The following GNAQ variants were observed in gnomAD, a reference collection of about 807,000 sequenced individuals.
GNAQ encodes the protein guanine nucleotide-binding protein G(q) subunit alpha.
A neutral mutation model predicts 43.9 loss-of-function variants in GNAQ; 8 were observed. The observed-to-expected ratio is 0.18, with a 90% CI of 0.11 to 0.33. GNAQ has a LOEUF of 0.33. GNAQ is among the 10% of genes least tolerant of loss of function. The pLI is 1.00. For synonymous variants in GNAQ, 155 were observed against 170.7 expected, an observed-to-expected ratio of 0.91 and a Z score of 0.71; for missense variants, 158 against 450.8, an observed-to-expected ratio of 0.35 and a Z score of 5.88.
At chr9:77,890,271 A>AG (rs1454878460) in intron 2 of GNAQ, among the ~76,000 whole-genome samples, 1 of 152,176 alleles carries the variant, frequency 6.6e-6, no homozygotes, top group Non-Finnish European at 1.5e-5. Context: ...AAAACTTGAG[A>AG]GTTTGACTGA....
intron 1 of GNAQ, among the ~76,000 whole-genome samples, chr9:77,970,228 AAAAAAAAC>A (rs1246496618): frequency 2.0e-5 from 3 of 151,664 alleles, no homozygotes; most frequent in Non-Finnish European, 2.9e-5. Flanking sequence ...TCCACAAAAA[AAAAAAAAC>A]AAACAAACAA....
chr9:77,748,158 G>C (rs1825758784), intron 5 of GNAQ, among the ~76,000 whole-genome samples: 1 of 152,102 alleles, frequency 6.6e-6, no homozygotes, highest in Admixed American at 6.5e-5. Flanking sequence ...AAAATCCAGT[G>C]AAAGACATAA....
chr9:78,024,030 T>C (rs1823945478), intron 1 of GNAQ, among the ~76,000 whole-genome samples: 1 of 151,772 alleles, frequency 6.6e-6, no homozygotes, highest in Non-Finnish European at 1.5e-5. Context: ...AACAACTATT[T>C]TATTTCTAAA....
chr9:77,931,054 A>AC (rs1587416586), intron 1 of GNAQ, among the ~76,000 whole-genome samples: 1 of 150,384 alleles, frequency 6.6e-6, no homozygotes. Context: ...CCCGAAACCA[A>AC]CCCCCCGACC....
intron 2 of GNAQ, among the ~76,000 whole-genome samples, chr9:77,854,974 G>C (rs1827729196): frequency 1.3e-5 from 2 of 152,304 alleles, no homozygotes; most frequent in African/African-American, 2.4e-5. Context: ...AAAAGTAGGA[G>C]AAGAGAATAT....
At position 77,810,221 on chromosome 9, in the gene GNAQ, T is replaced by TCTAA. The variant is rs1169759223; in HGVS notation, c.476+5394_476+5395insTTAG. Among the ~76,000 whole-genome samples, 234 of 136,070 alleles carry TCTAA rather than the reference T, an allele frequency of 1.7e-3. 1 individual carries two copies. The highest frequency in any genetic ancestry group is 6.6e-3 in the African/African-American group (220 of 33,208). The allele number at this position is 136,070 out of a possible 152,430, so 89.3% of individuals were successfully genotyped here. On this transcript the variant is annotated intron_variant, in intron 3 of 6. Coordinates refer to ENST00000286548, the MANE Select transcript of GNAQ (RefSeq NM_002072.5). ...AAACTGTCAATCATCTATCTATCTA[T>TCTAA]CTATCTATCTATCTATCTATCTATC...
At chr9:77,889,497 C>T (rs1444763933) in intron 2 of GNAQ, among the ~76,000 whole-genome samples, 1 of 137,828 alleles carries the variant, frequency 7.3e-6, no homozygotes, top group Non-Finnish European at 1.5e-5. Context: ...CATTTCTGAT[C>T]TGTTTCTAGC....
At chr9:77,734,823 T>C (rs1020173225) in intron 5 of GNAQ, among the ~76,000 whole-genome samples, 1 of 152,202 alleles carries the variant, frequency 6.6e-6, no homozygotes, top group Non-Finnish European at 1.5e-5. Context: ...GAAGTCCAGA[T>C]ATACAGACAC....
At chr9:77,929,332 G>A (rs1258344160) in intron 1 of GNAQ, among the ~76,000 whole-genome samples, 2 of 152,148 alleles carry the variant, frequency 1.3e-5, no homozygotes, top group Non-Finnish European at 2.9e-5. Flanking sequence ...TAATGAGGGA[G>A]AAGGTAAGAC....
intron 5 of GNAQ, among the ~76,000 whole-genome samples, chr9:77,743,267 CA>C (rs2118266208): frequency 6.6e-6 from 1 of 151,678 alleles, no homozygotes; most frequent in South Asian, 2.1e-4. Flanking sequence ...AAACAAAAAA[CA>C]AAAAACAAAC....
chr9:77,823,513 T>G (rs557484929), intron 2 of GNAQ, among the ~76,000 whole-genome samples: 1 of 152,130 alleles, frequency 6.6e-6, no homozygotes, highest in Non-Finnish European at 1.5e-5. Context: ...CTCACACTGC[T>G]ATAAAGAACT....
chr9:77,752,156 T>C (rs1289161356), intron 5 of GNAQ, among the ~76,000 whole-genome samples: 1 of 152,234 alleles, frequency 6.6e-6, no homozygotes, highest in East Asian at 1.9e-4. Context: ...CTGTTTGCAG[T>C]TGAATTGTCA....
chr9:77,913,843 GA>G (rs1439490058), intron 2 of GNAQ, among the ~76,000 whole-genome samples: 4 of 151,886 alleles, frequency 2.6e-5, no homozygotes, highest in Admixed American at 2.6e-4. Flanking sequence ...ATTGACAATG[GA>G]AAAACACACA....
chr9:77,742,125 C>T (rs899863654), intron 5 of GNAQ, among the ~76,000 whole-genome samples: 3 of 152,182 alleles, frequency 2.0e-5, no homozygotes, highest in Non-Finnish European at 2.9e-5. Flanking sequence ...AGTGTCACTA[C>T]GTTGACTTAC....
At chr9:77,888,780 C>T (rs1252914019) in intron 2 of GNAQ, among the ~76,000 whole-genome samples, 1 of 152,102 alleles carries the variant, frequency 6.6e-6, no homozygotes, top group Admixed American at 6.6e-5. Flanking sequence ...ATCAGAGCAG[C>T]AGAATGGGAG....
intron 6 of GNAQ, among the ~76,000 whole-genome samples, chr9:77,723,896 C>T (rs1374775311): frequency 6.6e-6 from 1 of 151,916 alleles, no homozygotes; most frequent in Non-Finnish European, 1.5e-5. Flanking sequence ...GAATTGTGCA[C>T]TTAAAAATGT....
intron 2 of GNAQ, among the ~76,000 whole-genome samples, chr9:77,909,643 T>G (rs1222218343): frequency 1.3e-5 from 2 of 151,996 alleles, no homozygotes; most frequent in African/African-American, 4.8e-5. Context: ...ATGCCAGTCC[T>G]TTCAGTTACA....
At chr9:77,925,705 A>G (rs533659502) in intron 1 of GNAQ, among the ~76,000 whole-genome samples, 1 of 152,294 alleles carries the variant, frequency 6.6e-6, no homozygotes, top group African/African-American at 2.4e-5. Context: ...TATGATGCAA[A>G]TATTGTAGGC....
intron 1 of GNAQ, among the ~76,000 whole-genome samples, chr9:77,969,401 T>G (rs1307295697): frequency 6.6e-6 from 1 of 152,224 alleles, no homozygotes; most frequent in Non-Finnish European, 1.5e-5. Context: ...GAATTAGCTT[T>G]ACTGCCCAAG....
Sources: allele counts gnomAD v4.1 joint callset (sites outside exome capture counted in the v4.1 genomes callset), GRCh38; gene constraint gnomAD v4.1.1; transcripts MANE v1.5; gene names NCBI Gene and HGNC (gene_info 2026-07-23, HGNC 2026-07-21).